VPS13B: variants seen among roughly 807,000 people sequenced by gnomAD.
VPS13B encodes the protein vacuolar protein sorting 13 homolog B.
A neutral mutation model predicts 426.4 loss-of-function variants in VPS13B; 285 were observed. That is an observed-to-expected ratio of 0.67 (90% confidence interval 0.61 to 0.74). The LOEUF is 0.74. Ranked by LOEUF, VPS13B falls within the 30% of genes least tolerant of loss-of-function variation. The pLI is 0.00. For missense variants in VPS13B, 4,537 were observed against 4,782.6 expected (o/e 0.95, Z 1.51); for synonymous variants, 1,676 against 1,676.4 (o/e 1.00, Z 0.01).
chr8:99,335,851 A>C lies in VPS13B; in HGVS notation c.2825-48357A>C, dbSNP rs1363253855. Among the ~76,000 whole-genome samples, 4 of 152,306 alleles carry C rather than the reference A, an allele frequency of 2.6e-5. No individual in the cohort carries two copies. In the East Asian group the frequency reaches 5.8e-4, roughly 22 times the overall value. On this transcript the variant is annotated intron_variant, in intron 19 of 61. Coordinates refer to ENST00000357162, the MANE Select transcript of VPS13B (RefSeq NM_152564.5). ...CAAGGAGAACTACAAACCACTGCTC[A>C]ATGAAATAAAAGAGGATACAAACAA...
intron 14 of VPS13B, among the ~76,000 whole-genome samples, chr8:99,151,261 A>G (rs1165817596): frequency 6.6e-6 from 1 of 152,100 alleles, no homozygotes; most frequent in Non-Finnish European, 1.5e-5. Flanking sequence ...GATTCCTTGT[A>G]TATTTTGGGT....
chr8:99,066,414 T>C (rs1466026623), intron 3 of VPS13B, among the ~76,000 whole-genome samples: 1 of 152,190 alleles, frequency 6.6e-6, no homozygotes, highest in Non-Finnish European at 1.5e-5. Context: ...GGATTCCCTA[T>C]TTAATAAATG....
At chr8:99,470,520 G>A (rs1054055186) in intron 24 of VPS13B, among the ~76,000 whole-genome samples, 2 of 152,048 alleles carry the variant, frequency 1.3e-5, no homozygotes, top group African/African-American at 4.8e-5. Flanking sequence ...CATATTATGT[G>A]GGCTTAAAGG....
chr8:99,429,260 C>T (rs180892250), intron 21 of VPS13B, among the ~76,000 whole-genome samples: 1,786 of 150,382 alleles, frequency 0.012, 20 homozygotes, highest in Non-Finnish European at 0.016. Context: ...TGCACATGTA[C>T]CCTAAAACTT....
intron 33 of VPS13B, among the ~76,000 whole-genome samples, chr8:99,592,574 A>C (rs1344249421): frequency 6.6e-5 from 10 of 151,990 alleles, no homozygotes; most frequent in Non-Finnish European, 1.5e-5. Flanking sequence ...TTAAAAATTC[A>C]AATGGAACCA....
At chr8:99,400,642 G>T (rs1814982022) in intron 21 of VPS13B, among the ~76,000 whole-genome samples, 1 of 151,924 alleles carries the variant, frequency 6.6e-6, no homozygotes, top group South Asian at 2.1e-4. Flanking sequence ...TGTTTCAGTG[G>T]GTATAATATT....
intron 12 of VPS13B, among the ~76,000 whole-genome samples, chr8:99,140,183 G>A (rs1309821681): frequency 6.6e-6 from 1 of 151,906 alleles, no homozygotes; most frequent in African/African-American, 2.4e-5. Flanking sequence ...TGGCCAACAT[G>A]GTGAAACCCC....
At chr8:99,344,806 T>C (rs888406285) in intron 19 of VPS13B, among the ~76,000 whole-genome samples, 3 of 152,152 alleles carry the variant, frequency 2.0e-5, no homozygotes, top group Non-Finnish European at 2.9e-5. Flanking sequence ...ATGTGTGGCT[T>C]GCTTTCCAAT....
chr8:99,844,403 G>T (rs1588773849), intron 54 of VPS13B, among the ~76,000 whole-genome samples: 1 of 135,084 alleles, frequency 7.4e-6, no homozygotes, highest in Non-Finnish European at 1.6e-5. Context: ...CACTCTTGTT[G>T]CTCAGGCTGG....
chr8:99,016,045 A>G (rs2132134061), intron 2 of VPS13B, among the ~76,000 whole-genome samples: 1 of 152,348 alleles, frequency 6.6e-6, no homozygotes, highest in East Asian at 1.9e-4. Context: ...CCTTTCTAAG[A>G]TTAACCCATG....
At chr8:99,488,890 A>G (rs1201445353) in intron 25 of VPS13B, among the ~76,000 whole-genome samples, 1 of 152,136 alleles carries the variant, frequency 6.6e-6, no homozygotes, top group Non-Finnish European at 1.5e-5. Flanking sequence ...TAGTTTAATT[A>G]GATCTCATTT....
chr8:99,190,427 T>C (rs890131841), intron 16 of VPS13B, among the ~76,000 whole-genome samples: 1 of 152,090 alleles, frequency 6.6e-6, no homozygotes, highest in Non-Finnish European at 1.5e-5. Context: ...TTTTGGGGTT[T>C]AGTTCTAGTA....
chr8:99,169,960 G>T, intron 15 of VPS13B, 79 bp from the exon 16 acceptor site: 1 of 1,554,624 alleles, frequency 6.4e-7, no homozygotes, highest in East Asian at 2.3e-5. Context: ...TGTAAAGCAA[G>T]TTGAAACTGA....
intron 56 of VPS13B, among the ~76,000 whole-genome samples, chr8:99,855,065 G>C (rs1405536344): frequency 6.6e-6 from 1 of 152,126 alleles, no homozygotes; most frequent in East Asian, 1.9e-4. Context: ...ATTTTATAGA[G>C]GGACTACTGT....
intron 19 of VPS13B, among the ~76,000 whole-genome samples, chr8:99,332,382 A>C (rs1007545008): frequency 6.6e-6 from 1 of 151,738 alleles, no homozygotes; most frequent in African/African-American, 2.4e-5. Context: ...TATAGTTACT[A>C]TATTAATCTT....
intron 33 of VPS13B, among the ~76,000 whole-genome samples, chr8:99,639,807 C>CA (rs1829235445): frequency 1.3e-5 from 2 of 148,668 alleles, no homozygotes; most frequent in African/African-American, 2.5e-5. Context: ...CTCATTTCTA[C>CA]AAAAAATGTA....
chr8:99,157,813 G>A, intron 15 of VPS13B, among the ~76,000 whole-genome samples: 1 of 152,202 alleles, frequency 6.6e-6, no homozygotes, highest in Non-Finnish European at 1.5e-5. Flanking sequence ...GAAATTAAAA[G>A]TGCTACTCCA....
At chr8:99,257,485 G>A (rs1817807747) in intron 17 of VPS13B, among the ~76,000 whole-genome samples, 1 of 152,144 alleles carries the variant, frequency 6.6e-6, no homozygotes, top group African/African-American at 2.4e-5. Flanking sequence ...TGCATAGTGA[G>A]TAATGTACTC....
At chr8:99,073,522 TC>T (rs1464090428) in intron 3 of VPS13B, among the ~76,000 whole-genome samples, 1 of 152,082 alleles carries the variant, frequency 6.6e-6, no homozygotes. Flanking sequence ...GAGTTCTTTT[TC>T]TGACCATTTT....
Sources: allele counts gnomAD v4.1 joint callset (sites outside exome capture counted in the v4.1 genomes callset), GRCh38; gene constraint gnomAD v4.1.1; transcripts MANE v1.5; gene names NCBI Gene and HGNC (gene_info 2026-07-23, HGNC 2026-07-21).